Variants in LEPR observed in about 807,000 individuals in gnomAD.
The protein encoded by LEPR is OB receptor.
A neutral mutation model predicts 114.7 loss-of-function variants in LEPR; 56 were observed. The observed-to-expected ratio is 0.49, with a 90% CI of 0.39 to 0.61. LEPR has a LOEUF of 0.61. Among genes scored for constraint, LEPR ranks in the 20% least tolerant of loss-of-function variants. LEPR has a pLI of 0.00. For missense variants in LEPR, 1,202 were observed against 1,352.9 expected (o/e 0.89, Z 1.75); for synonymous variants, 443 against 461.4 (o/e 0.96, Z 0.51).
intron 14 of LEPR, among the ~76,000 whole-genome samples, chr1:65,610,781 C>G (rs1570811942): frequency 6.6e-6 from 1 of 152,296 alleles, no homozygotes; most frequent in African/African-American, 2.4e-5. Context: ...TAGTAATTTT[C>G]AAAGCATCCT....
intron 2 of LEPR, among the ~76,000 whole-genome samples, chr1:65,488,220 C>CTT (rs1557620305): frequency 8.3e-4 from 37 of 44,572 alleles, no homozygotes; most frequent in South Asian, 1.8e-3. Context: ...TTCTCTCTCT[C>CTT]TCTCTCTCTT....
intron 17 of LEPR, among the ~76,000 whole-genome samples, chr1:65,620,874 G>A (rs575528685): frequency 2.2e-4 from 33 of 152,170 alleles, no homozygotes; most frequent in Non-Finnish European, 5.9e-5. Context: ...AGACATAACT[G>A]TACAAATAGC....
intron 2 of LEPR, among the ~76,000 whole-genome samples, chr1:65,535,374 A>C (rs1451165588): frequency 1.3e-5 from 2 of 150,536 alleles, no homozygotes; most frequent in Non-Finnish European, 3.0e-5. Flanking sequence ...GGGGGAGAAA[A>C]TATTTTTTTA....
Position 65,573,158 on chromosome 1 carries a change from A to G in LEPR, c.494+709A>G, listed in dbSNP as rs149017909. 1.4e-3 allele frequency among the ~76,000 whole-genome samples: 208 copies of G among 152,350 alleles called. 5 individuals are homozygous for G. In the East Asian group the frequency reaches 0.037, roughly 27 times the overall value. On this transcript the variant is annotated intron_variant, in intron 5 of 19. Coordinates refer to ENST00000349533, the MANE Select transcript of LEPR (RefSeq NM_002303.6). ...TTACAGACAACAGTGGCATATGGCCAAGGGATGGCCTTCCCATGTTATGGC... is the reference window on the plus strand; with the variant it reads ...TTACAGACAACAGTGGCATATGGCCGAGGGATGGCCTTCCCATGTTATGGC...
intron 2 of LEPR, among the ~76,000 whole-genome samples, chr1:65,451,126 T>C (rs1230499042): frequency 1.3e-5 from 2 of 152,184 alleles, no homozygotes; most frequent in Admixed American, 1.3e-4. Flanking sequence ...ATGGGGTTGT[T>C]TGTTTTTTTC....
chr1:65,544,243 G>C (rs989019058), intron 2 of LEPR, among the ~76,000 whole-genome samples: 1 of 151,914 alleles, frequency 6.6e-6, no homozygotes, highest in African/African-American at 2.4e-5. Context: ...TGCTCTGTTT[G>C]CCTATTATTG....
intron 2 of LEPR, among the ~76,000 whole-genome samples, chr1:65,427,044 T>G (rs1646390602): frequency 1.3e-5 from 2 of 151,120 alleles, no homozygotes; most frequent in African/African-American, 4.9e-5. Flanking sequence ...CCTATTGAAG[T>G]GAGTTATTAT....
intron 2 of LEPR, among the ~76,000 whole-genome samples, chr1:65,523,749 G>T (rs1185827511): frequency 6.6e-6 from 1 of 152,118 alleles, no homozygotes; most frequent in Non-Finnish European, 1.5e-5. Context: ...AGTTATAGTG[G>T]GTTAAATAGT....
intron 6 of LEPR, among the ~76,000 whole-genome samples, chr1:65,594,557 C>T (rs779451127): frequency 9.2e-5 from 14 of 151,914 alleles, no homozygotes; most frequent in Non-Finnish European, 2.1e-4. Flanking sequence ...TACTGAGATA[C>T]GGAAACTCAG....
At chr1:65,582,369 T>C (rs1655047484) in intron 5 of LEPR, among the ~76,000 whole-genome samples, 1 of 152,150 alleles carries the variant, frequency 6.6e-6, no homozygotes, top group South Asian at 2.1e-4. Context: ...GGAGCTAGTT[T>C]TGAGATAAAT....
chr1:65,598,676 C>G lies in LEPR; in HGVS notation c.866C>G (p.Ser289Ter). ...ATTTAACAGGCTGACAAGATTGTCT[C>G]AGCTACATCCCTGCTAGTAGACAGT... ...TVIREADKIV[S>*]ATSLLVDSIL... Residue 289 changes from serine to a stop codon, truncating the protein, a stop_gained, in exon 8 of 20, where the codon TCA becomes TGA. Coordinates refer to ENST00000349533, the MANE Select transcript of LEPR (RefSeq NM_002303.6). LOFTEE classifies it high-confidence loss of function. 6.2e-7 allele frequency: 1 copy of G among 1,613,260 alleles called. No individual in the cohort carries two copies. The highest frequency in any genetic ancestry group is 1.7e-4 in the Middle Eastern group (1 of 5,884).
chr1:65,572,420 T>C lies in LEPR; in HGVS notation c.465T>C (p.Tyr155=). The C allele has an allele frequency of 4.4e-6, 7 of 1,587,042 alleles. No individual in the cohort carries two copies. The highest frequency in any genetic ancestry group is 6.0e-6 in the Non-Finnish European group (7 of 1,163,100). Residue 155 remains tyrosine (Y), a synonymous_variant, in exon 5 of 20, where the codon TAT becomes TAC. Coordinates refer to ENST00000349533, the MANE Select transcript of LEPR (RefSeq NM_002303.6). ...ESLFKNLFRN[Y]NYKVHLLYVL... is the part of the protein sequence containing the mutation. ...TATTTAAGAATCTATTCAGGAATTA[T>C]AACTATAAGGTCCATCTTTTATATG...
chr1:65,485,490 C>G (rs987184594), intron 2 of LEPR, among the ~76,000 whole-genome samples: 2 of 152,170 alleles, frequency 1.3e-5, no homozygotes, highest in Admixed American at 1.3e-4. Context: ...TCTTGGCTTT[C>G]TTGCATCTTT....
chr1:65,472,307 GA>G (rs1455491494), intron 2 of LEPR, among the ~76,000 whole-genome samples: 1 of 151,728 alleles, frequency 6.6e-6, no homozygotes, highest in African/African-American at 2.4e-5. Flanking sequence ...TGTCATTTGG[GA>G]AAACGGGTGG....
At chr1:65,588,885 C>G (rs1402618214) in intron 5 of LEPR, among the ~76,000 whole-genome samples, 1 of 152,054 alleles carries the variant, frequency 6.6e-6, no homozygotes, top group Non-Finnish European at 1.5e-5. Context: ...ATGAAGTTGT[C>G]ACAAGTGTTA....
chr1:65,503,751 T>A (rs140888233), intron 2 of LEPR, among the ~76,000 whole-genome samples: 185 of 151,910 alleles, frequency 1.2e-3, no homozygotes, highest in African/African-American at 4.2e-3. Context: ...TACAGACGTT[T>A]ACATATAGAA....
At chr1:65,469,189 G>A (rs541851610) in intron 2 of LEPR, among the ~76,000 whole-genome samples, 1 of 152,292 alleles carries the variant, frequency 6.6e-6, no homozygotes, top group Non-Finnish European at 1.5e-5. Flanking sequence ...AGTCCGGTGG[G>A]CTAATACAGA....
intron 13 of LEPR, 29 bp downstream of exon 13, chr1:65,610,135 G>T: frequency 6.2e-7 from 1 of 1,614,126 alleles, no homozygotes; most frequent in Non-Finnish European, 8.5e-7. Flanking sequence ...AATGTGTTTT[G>T]AAAGTGCATA....
At chr1:65,571,986 A>G (rs931325746) in intron 4 of LEPR, among the ~76,000 whole-genome samples, 1 of 149,868 alleles carries the variant, frequency 6.7e-6, no homozygotes, top group African/African-American at 2.4e-5. Flanking sequence ...AAAAAAAAAA[A>G]AAAGGAAAGA....
Sources: allele counts gnomAD v4.1 joint callset (sites outside exome capture counted in the v4.1 genomes callset), GRCh38; gene constraint gnomAD v4.1.1; transcripts MANE v1.5; gene names NCBI Gene and HGNC (gene_info 2026-07-23, HGNC 2026-07-21).